The following NAT16 variants were observed in gnomAD, a reference collection of about 807,000 sequenced individuals.
The protein encoded by NAT16 is probable N-acetyltransferase 16.
A neutral mutation model predicts 15.9 loss-of-function variants in NAT16; 16 were observed. The observed-to-expected ratio is 1.01, with a 90% CI of 0.68 to 1.53. The LOEUF is 1.53. NAT16 is among the 40% of genes most tolerant of loss of function. The pLI, the probability that NAT16 is intolerant of heterozygous loss-of-function variation, is 0.00. For synonymous variants in NAT16, 260 were observed against 241.9 expected (o/e 1.07, Z -0.69); for missense variants, 572 against 508.4 (o/e 1.13, Z -1.20).
intron 1 of NAT16, among the ~76,000 whole-genome samples, chr7:101,175,884 C>A (rs1057490776): frequency 1.3e-5 from 2 of 149,992 alleles, no homozygotes. Flanking sequence ...ATCACACCAC[C>A]GCACTCCAGC....
chr7:101,174,182 C>A (rs1797410018), intron 2 of NAT16: 1 of 461,492 alleles, frequency 2.2e-6, no homozygotes, highest in Admixed American at 3.9e-5. Flanking sequence ...CTGCTCCCAC[C>A]CCTAGCCTAC....
chr7:101,177,382 A>G (rs1222812808), intron 1 of NAT16, among the ~76,000 whole-genome samples: 1 of 152,022 alleles, frequency 6.6e-6, no homozygotes, highest in East Asian at 1.9e-4. Context: ...TCGCTCTGTC[A>G]CCCAGGCCGG....
Position 101,173,329 on chromosome 7 carries a change from C to A in NAT16, c.504G>T (p.Arg168=). The A allele has an allele frequency of 6.2e-7, 1 of 1,614,064 alleles. No individual in the cohort carries two copies. The highest frequency in any genetic ancestry group is 8.5e-7 in the Non-Finnish European group (1 of 1,180,010). Reference sequence around the variant, plus strand: ...TGATTAGGCGGTATTTCTTCAGCTCCCGGGGGCCCAGCTGGTCGTCCCGGG... The same window carrying A: ...TGATTAGGCGGTATTTCTTCAGCTCACGGGGGCCCAGCTGGTCGTCCCGGG... The part of the protein sequence containing the change: ...RLTRDDQLGP[R]ELKKYRLITK... Residue 168 remains arginine (R), a synonymous_variant, in exon 3 of 4, where the codon CGG becomes CGT. Coordinates refer to ENST00000300303, the MANE Select transcript of NAT16 (RefSeq NM_198571.3).
At chr7:101,173,548 C>T (rs978624500) in intron 2 of NAT16, 28 bp from the exon 3 acceptor site, 10 of 1,523,680 alleles carry the variant, frequency 6.6e-6, no homozygotes, top group Non-Finnish European at 8.8e-6. Flanking sequence ...TAGCGCGGGG[C>T]CCTCCCCGCC....
Position 101,172,596 on chromosome 7 carries a change from C to A in NAT16, c.593G>T (p.Arg198Leu). 6.5e-7 allele frequency: 1 copy of A among 1,527,912 alleles called. No individual in the cohort carries two copies. The highest frequency in any genetic ancestry group is 8.7e-7 in the Non-Finnish European group (1 of 1,146,006). 94.6% of individuals were successfully genotyped at this position (1,527,912 alleles called of 1,614,324 possible). A position where few individuals can be genotyped will look rare whatever the true frequency, so the allele number is the denominator to read the frequency against. Residue 198 changes from arginine to leucine, a missense_variant, in exon 4 of 4, where the codon CGG becomes CTG. Physicochemically the swap from Arg to Leu is moderately radical, Grantham distance 102. Coordinates refer to ENST00000300303, the MANE Select transcript of NAT16 (RefSeq NM_198571.3). The surrounding 1 kb of genome is among the most constrained non-coding windows in gnomAD (Gnocchi z 4.2). ...ASALLAGLGA[R>L]LAALRTSGTF... The stretch of plus-strand genomic sequence containing the variant: ...GCCAGAGGTCCGCAGCGCCGCCAGC[C>A]GCGCGCCCAGCCCGGCCAGCAGCGC...
intron 1 of NAT16, among the ~76,000 whole-genome samples, chr7:101,177,107 AC>A: frequency 6.6e-6 from 1 of 152,190 alleles, no homozygotes; most frequent in South Asian, 2.1e-4. Context: ...CCTGGAGATT[AC>A]CTGGATATGG....
rs367649968 is a variant in NAT16, at chr7:101,178,338, GGC to G, written c.-5+1702_-5+1703del. 4.6e-3 allele frequency among the ~76,000 whole-genome samples: 704 copies of G among 152,212 alleles called. 6 individuals are homozygous for G. The highest frequency in any genetic ancestry group is 0.016 in the African/African-American group (670 of 41,534). On this transcript the variant is annotated intron_variant, in intron 1 of 3. Coordinates refer to ENST00000300303, the MANE Select transcript of NAT16 (RefSeq NM_198571.3). ...TCCCAGGTCCTTAAACCTTGGAGGA[GGC>G]GAGTAATAAAACAGGTCAGCGACTC...
At position 101,171,234 on chromosome 7, in the gene NAT16, G is replaced by A. The variant is rs1242927760; in HGVS notation, c.*845C>T. ...GGCTCGGGTGAGCTGGGGCACGGGG[G>A]AGCCTGCGAAATAGCAAAGTTGTGC... On this transcript the variant is annotated 3_prime_UTR_variant, in exon 4 of 4. Coordinates refer to ENST00000300303, the MANE Select transcript of NAT16 (RefSeq NM_198571.3). The A allele has an allele frequency of 5.2e-5, 8 of 152,942 alleles. No homozygotes were observed. The highest frequency in any genetic ancestry group is 1.9e-4 in the African/African-American group (8 of 41,574). 9.5% of individuals were successfully genotyped at this position (152,942 alleles called of 1,614,324 possible).
At chr7:101,179,640 G>A (rs1277506058) in intron 1 of NAT16, among the ~76,000 whole-genome samples, 1 of 132,700 alleles carries the variant, frequency 7.5e-6, no homozygotes, top group East Asian at 2.9e-4. Flanking sequence ...GGGGTGGGGG[G>A]AGGGCCCCAG....
rs1341365893 is a variant in NAT16 at position 101,172,206 on chromosome 7, T to G, written c.983A>C (p.Asn328Thr). The part of the protein sequence containing the change: ...QRQAPRLVGL[N>T]VMCQLFLEPQ... ...CTCCAGGAAGAGCTGGCACATGACG[T>G]TGAGGCCAACGAGGCGCGGGGCCTG... Residue 328 changes from asparagine to threonine, a missense_variant, in exon 4 of 4, where the codon AAC (asparagine) becomes ACC (threonine). Asn to Thr is a moderately conservative substitution (Grantham distance 65, BLOSUM62 0). Coordinates refer to ENST00000300303, the MANE Select transcript of NAT16 (RefSeq NM_198571.3). The surrounding 1 kb of genome is among the most constrained non-coding windows in gnomAD (Gnocchi z 4.2). 6.2e-7 allele frequency: 1 copy of G among 1,613,896 alleles called. No homozygotes were observed. The highest frequency in any genetic ancestry group is 8.5e-7 in the Non-Finnish European group (1 of 1,179,958).
rs529394330 is a variant in NAT16 at position 101,172,375 on chromosome 7, C to A, written c.814G>T (p.Ala272Ser). ...KGLEWRVDSR[A>S]RPRVLTLCTR... ...CACAGCGTGAGCACGCGCGGGCGCGCGCGGCTGTCCACGCGCCACTCCAGG... is the reference window on the plus strand; with the variant it reads ...CACAGCGTGAGCACGCGCGGGCGCGAGCGGCTGTCCACGCGCCACTCCAGG... The change falls in exon 4 of 4, where the codon GCG (alanine) becomes TCG (serine). Residue 272 changes from alanine to serine, a missense_variant. Physicochemically the swap from Ala to Ser is moderately conservative, Grantham distance 99. Coordinates refer to ENST00000300303, the MANE Select transcript of NAT16 (RefSeq NM_198571.3). The surrounding 1 kb of genome is among the most constrained non-coding windows in gnomAD (Gnocchi z 4.2). 1 of 1,571,248 alleles carries A rather than the reference C, an allele frequency of 6.4e-7. No individual in the cohort carries two copies. Among genetic ancestry groups the A allele is most frequent in the Admixed American group, 1.9e-5 (1 of 52,106 alleles).
Position 101,172,631 on chromosome 7 carries a change from G to C in NAT16, c.558C>G (p.Phe186Leu). The change falls in exon 4 of 4, where the codon TTC (phenylalanine) becomes TTG (leucine). Residue 186 changes from phenylalanine to leucine, a missense_variant. Physicochemically the swap from Phe to Leu is conservative, Grantham distance 22. Transcript: ENST00000300303. This position sits in a 1 kb window ranked among gnomAD's most constrained non-coding sequence, Gnocchi z 4.2. ...ITKQGILLVRFNASALLAGLG... is the reference protein window; with the variant it reads ...ITKQGILLVRLNASALLAGLG... Reference sequence around the variant, plus strand: ...GCCCGGCCAGCAGCGCGGACGCGTTGAATCGGACCAAAAGGATGCCCTGCG... The same window carrying C: ...GCCCGGCCAGCAGCGCGGACGCGTTCAATCGGACCAAAAGGATGCCCTGCG... The C allele has an allele frequency of 2.6e-6, 4 of 1,522,534 alleles. No individual in the cohort carries two copies. The highest frequency in any genetic ancestry group is 3.5e-6 in the Non-Finnish European group (4 of 1,143,532). The allele number at this position is 1,522,534 out of a possible 1,614,324, so 94.3% of individuals were successfully genotyped here. A position where few individuals can be genotyped will look rare whatever the true frequency, so the allele number is the denominator to read the frequency against.
In NAT16 at chr7:101,172,796, G is replaced by C. The variant is rs1173943884; in HGVS notation, c.538-145C>G. ...CTGGAGGAGCGACCGTGAGGGCTCC[G>C]GGCCGAGTGGGGTATGGGAAAGCCT... On this transcript the variant is annotated intron_variant, in intron 3 of 3. Transcript: ENST00000300303. This position sits in a 1 kb window ranked among gnomAD's most constrained non-coding sequence, Gnocchi z 4.2. 6.2e-6 allele frequency: 4 copies of C among 647,722 alleles called. No homozygotes were observed. Among genetic ancestry groups the C allele is most frequent in the Non-Finnish European group, 1.0e-5 (4 of 399,736 alleles). The allele number at this position is 647,722 out of a possible 1,614,324, so 40.1% of individuals were successfully genotyped here.
In NAT16 at chr7:101,172,594, GCC is replaced by G. The variant is rs1215104564; in HGVS notation, c.593_594del (p.Arg198ProfsTer54). ...GTGCCAGAGGTCCGCAGCGCCGCCA[GCC>G]GCGCGCCCAGCCCGGCCAGCAGCGC... is the stretch of plus-strand genomic sequence containing the variant. ...ASALLAGLGA[R>X]LAALRTSGTF... On this transcript the variant is annotated frameshift_variant, in exon 4 of 4. Transcript: ENST00000300303. LOFTEE classifies it low-confidence loss of function (END_TRUNC). This position sits in a 1 kb window ranked among gnomAD's most constrained non-coding sequence, Gnocchi z 4.2. 8.5e-6 allele frequency: 13 copies of G among 1,529,618 alleles called. No individual in the cohort carries two copies. In the African/African-American group the frequency reaches 1.7e-4, roughly 20 times the overall value. The allele number at this position is 1,529,618 out of a possible 1,614,324, so 94.8% of individuals were successfully genotyped here.
At position 101,171,974 on chromosome 7, in the gene NAT16, G is replaced by T. The variant is rs2116721535; in HGVS notation, c.*105C>A. On this transcript the variant is annotated 3_prime_UTR_variant, in exon 4 of 4. Coordinates refer to ENST00000300303, the MANE Select transcript of NAT16 (RefSeq NM_198571.3). Reference sequence around the variant, plus strand: ...AGGGCAGGAGGGCAGGAGTCAGAGGGGACTTCCCAGGAGACGCAGCGTCGG... The same window carrying T: ...AGGGCAGGAGGGCAGGAGTCAGAGGTGACTTCCCAGGAGACGCAGCGTCGG... 2.6e-6 allele frequency: 2 copies of T among 778,918 alleles called. No individual in the cohort carries two copies. Among genetic ancestry groups the T allele is most frequent in the East Asian group, 5.4e-5 (2 of 37,086 alleles). The allele number at this position is 778,918 out of a possible 1,614,324, so 48.3% of individuals were successfully genotyped here. A position where few individuals can be genotyped will look rare whatever the true frequency, so the allele number is the denominator to read the frequency against.
chr7:101,178,749 G>A (rs1797523642), intron 1 of NAT16, among the ~76,000 whole-genome samples: 1 of 147,812 alleles, frequency 6.8e-6, no homozygotes, highest in Admixed American at 6.8e-5. Context: ...AAAGTAGCCG[G>A]GCGTGCTGGC....
chr7:101,175,637 G>A (rs981652785), intron 1 of NAT16, among the ~76,000 whole-genome samples: 2 of 126,512 alleles, frequency 1.6e-5, no homozygotes, highest in Non-Finnish European at 1.9e-5. Context: ...AAAAAAAAAA[G>A]AAGAAGAAGG....
chr7:101,172,361 C>A lies in NAT16; in HGVS notation c.828G>T (p.Val276=), dbSNP rs776376886. Residue 276 remains valine (V), a synonymous_variant, in exon 4 of 4, where the codon GTG becomes GTT. Transcript: ENST00000300303. The surrounding 1 kb of genome is among the most constrained non-coding windows in gnomAD (Gnocchi z 4.2). The part of the protein sequence containing the change: ...WRVDSRARPR[V]LTLCTRPFPI... ...GGAAGGGGCGCGTGCACAGCGTGAG[C>A]ACGCGCGGGCGCGCGCGGCTGTCCA... 1.9e-6 allele frequency: 3 copies of A among 1,581,180 alleles called. No individual in the cohort carries two copies. Among genetic ancestry groups the A allele is most frequent in the Admixed American group, 3.7e-5 (2 of 53,476 alleles).
rs184067145 is a variant in NAT16 at position 101,171,939 on chromosome 7, T to G, written c.*140A>C. The G allele has an allele frequency of 7.5e-3, 4,729 of 628,976 alleles. 24 individuals carry two copies. Among genetic ancestry groups the G allele is most frequent in the Non-Finnish European group, 0.011 (3,811 of 353,620 alleles). 39.0% of individuals were successfully genotyped at this position (628,976 alleles called of 1,614,324 possible). A position where few individuals can be genotyped will look rare whatever the true frequency, so the allele number is the denominator to read the frequency against. Reference sequence around the variant, plus strand: ...GCAAAAGGGACAGAGTGGGGGGACCTGCGCCGGTAAGGGCAGGAGGGCAGG... The same window carrying G: ...GCAAAAGGGACAGAGTGGGGGGACCGGCGCCGGTAAGGGCAGGAGGGCAGG... On this transcript the variant is annotated 3_prime_UTR_variant, in exon 4 of 4. Coordinates refer to ENST00000300303, the MANE Select transcript of NAT16 (RefSeq NM_198571.3).
Sources: gnomAD v4.1 joint callset for allele counts (sites outside exome capture counted in the v4.1 genomes callset) on GRCh38, gnomAD v4.1.1 for gene constraint, Gnocchi (gnomAD v3.1) non-coding constraint, MANE v1.5 for transcripts, NCBI Gene and HGNC (gene_info 2026-07-23, HGNC 2026-07-21) for gene names.